Variants in SPIN1 observed in about 807,000 individuals in gnomAD.
SPIN1 encodes the protein spindlin 1, also known as spindlin-1.
Under a neutral mutation model 26.0 loss-of-function variants are expected in SPIN1, and 3 were observed. That is an observed-to-expected ratio of 0.12 (90% CI 0.05 to 0.30). The LOEUF is 0.30. SPIN1 is among the 10% of genes least tolerant of loss of function. The pLI is 1.00. For synonymous variants in SPIN1, 101 were observed against 116.5 expected, an observed-to-expected ratio of 0.87 and a Z score of 0.86; for missense variants, 126 against 333.4, an observed-to-expected ratio of 0.38 and a Z score of 4.84.
rs369188889 is a variant in SPIN1, at chr9:88,401,789, T to C, written c.-159+13251T>C. 6.6e-5 allele frequency among the ~76,000 whole-genome samples: 10 copies of C among 152,336 alleles called. No homozygotes were observed. In the East Asian group the frequency reaches 1.9e-3, roughly 29 times the overall value. Reference sequence around the variant, plus strand: ...TAATAAGAGAAGCAAGTTGTGGAACTGTATGTTCTTGCTTATGTTGAGATG... The same window carrying C: ...TAATAAGAGAAGCAAGTTGTGGAACCGTATGTTCTTGCTTATGTTGAGATG... On this transcript the variant is annotated intron_variant, in intron 1 of 5. Transcript: ENST00000375859.
At chr9:88,446,051 G>A (rs1344153613) in intron 2 of SPIN1, among the ~76,000 whole-genome samples, 1 of 151,856 alleles carries the variant, frequency 6.6e-6, no homozygotes, top group African/African-American at 2.4e-5. Flanking sequence ...TTTCCTGTCT[G>A]CTTGTTATAT....
intron 1 of SPIN1, among the ~76,000 whole-genome samples, chr9:88,403,748 T>A (rs1007740717): frequency 6.6e-6 from 1 of 152,134 alleles, no homozygotes; most frequent in African/African-American, 2.4e-5. Flanking sequence ...CACTATTAAG[T>A]GTTCTTTTTA....
At chr9:88,430,565 A>G (rs1827848667) in intron 2 of SPIN1, among the ~76,000 whole-genome samples, 1 of 152,220 alleles carries the variant, frequency 6.6e-6, no homozygotes, top group Non-Finnish European at 1.5e-5. Flanking sequence ...GCAACTTCCA[A>G]CATCTGCCAT....
At chr9:88,425,429 C>T (rs1827745475) in intron 1 of SPIN1, among the ~76,000 whole-genome samples, 1 of 152,032 alleles carries the variant, frequency 6.6e-6, no homozygotes. Flanking sequence ...TCTGTAATCC[C>T]AGCACTTTGG....
chr9:88,461,339 C>T lies in SPIN1; in HGVS notation c.102-1157C>T, dbSNP rs143986730. Among the ~76,000 whole-genome samples the T allele has an allele frequency of 2.6e-4, 39 of 152,212 alleles. No individual in the cohort carries two copies. In the East Asian group the frequency reaches 6.6e-3, roughly 26 times the overall value. On this transcript the variant is annotated intron_variant, in intron 3 of 5. Transcript: ENST00000375859. Reference sequence around the variant, plus strand: ...TGCACTTAACCCTGTGAATCTCCTCCCAGTCTCCTTGGTTAGGTTCAGACC... The same window carrying T: ...TGCACTTAACCCTGTGAATCTCCTCTCAGTCTCCTTGGTTAGGTTCAGACC...
chr9:88,389,121 T>G (rs1192961710), intron 1 of SPIN1, among the ~76,000 whole-genome samples: 1 of 152,024 alleles, frequency 6.6e-6, no homozygotes, highest in Non-Finnish European at 1.5e-5. Context: ...CCTTGTAAGT[T>G]GCAGGCTCCG....
At chr9:88,421,981 T>C (rs952092848) in intron 1 of SPIN1, among the ~76,000 whole-genome samples, 7 of 152,154 alleles carry the variant, frequency 4.6e-5, no homozygotes, top group African/African-American at 1.4e-4. Context: ...AAGAAGTGAA[T>C]AAAGCAAGGT....
chr9:88,468,350 T>G, intron 4 of SPIN1, 22 bp from the exon 5 acceptor site: 1 of 1,425,916 alleles, frequency 7.0e-7, no homozygotes, highest in Admixed American at 2.5e-5. Context: ...GTCAACTTTT[T>G]TTTTTTTTTT....
intron 1 of SPIN1, among the ~76,000 whole-genome samples, chr9:88,419,431 C>T (rs964031567): frequency 6.6e-6 from 1 of 152,168 alleles, no homozygotes; most frequent in Non-Finnish European, 1.5e-5. Flanking sequence ...CCTTGCTCTC[C>T]CTTGTGCAGG....
chr9:88,436,933 T>C (rs994916764), intron 2 of SPIN1, among the ~76,000 whole-genome samples: 71 of 151,604 alleles, frequency 4.7e-4, no homozygotes, highest in Non-Finnish European at 9.4e-4. Flanking sequence ...CCCGGCTATT[T>C]TTTTTGTATT....
At chr9:88,456,038 T>C (rs1183685574) in intron 3 of SPIN1, among the ~76,000 whole-genome samples, 1 of 152,214 alleles carries the variant, frequency 6.6e-6, no homozygotes, top group Non-Finnish European at 1.5e-5. Flanking sequence ...GGGCCTATTG[T>C]TAAACATTTT....
intron 1 of SPIN1, among the ~76,000 whole-genome samples, chr9:88,394,902 C>T (rs1406734049): frequency 1.1e-4 from 16 of 151,232 alleles, no homozygotes; most frequent in African/African-American, 2.4e-4. Context: ...CTCCGCCTCC[C>T]GGGTTCACGC....
intron 1 of SPIN1, among the ~76,000 whole-genome samples, chr9:88,397,014 T>C (rs1163390781): frequency 1.3e-5 from 2 of 152,056 alleles, no homozygotes; most frequent in Non-Finnish European, 2.9e-5. Context: ...CTGTCAGGAC[T>C]GGAAGTTGCT....
chr9:88,431,614 T>G (rs1174672803), intron 2 of SPIN1, among the ~76,000 whole-genome samples: 2 of 152,172 alleles, frequency 1.3e-5, no homozygotes, highest in Admixed American at 1.3e-4. Context: ...TATTTCTCAT[T>G]CTTTGTGTGT....
At chr9:88,414,954 A>T (rs376427488) in intron 1 of SPIN1, among the ~76,000 whole-genome samples, 12 of 152,076 alleles carry the variant, frequency 7.9e-5, no homozygotes, top group African/African-American at 2.9e-4. Context: ...CCCATGGTGG[A>T]GTGCAGTGGC....
chr9:88,473,768 T>A (rs1393021819), intron 5 of SPIN1, among the ~76,000 whole-genome samples: 1 of 152,142 alleles, frequency 6.6e-6, no homozygotes, highest in Admixed American at 6.5e-5. Context: ...AAAACAGGCC[T>A]CTACATGACT....
At chr9:88,466,412 G>A (rs2118207815) in intron 4 of SPIN1, among the ~76,000 whole-genome samples, 1 of 152,002 alleles carries the variant, frequency 6.6e-6, no homozygotes, top group African/African-American at 2.4e-5. Flanking sequence ...CCTGCCTGGG[G>A]CTCAAAGTGC....
intron 2 of SPIN1, among the ~76,000 whole-genome samples, chr9:88,437,851 TA>T (rs1828038299): frequency 6.6e-6 from 1 of 152,158 alleles, no homozygotes; most frequent in East Asian, 1.9e-4. Context: ...GACAGAAGCT[TA>T]GATTATTGAC....
chr9:88,463,143 TTTGTGTACAACGTAAATGATAATTG>T (rs1828603025), intron 4 of SPIN1, among the ~76,000 whole-genome samples: 1 of 152,234 alleles, frequency 6.6e-6, no homozygotes, highest in African/African-American at 2.4e-5. Flanking sequence ...AAAGTGTATC[TTTGTGTACAACGTAAATGATAATTG>T]TACTTTGAGC....
Sources: allele counts gnomAD v4.1 joint callset (sites outside exome capture counted in the v4.1 genomes callset), GRCh38; gene constraint gnomAD v4.1.1; transcripts MANE v1.5; gene names NCBI Gene and HGNC (gene_info 2026-07-23, HGNC 2026-07-21).